The following GRM7 variants were observed in gnomAD, a reference collection of about 807,000 sequenced individuals.
GRM7 encodes metabotropic glutamate receptor 7.
In GRM7, 35 loss-of-function variants were observed where a neutral mutation model predicts 84.5. The observed-to-expected ratio is 0.41, with a 90% CI of 0.32 to 0.55. GRM7 has a LOEUF of 0.55. GRM7 is among the 20% of genes least tolerant of loss of function. The probability of loss-of-function intolerance (pLI) is 0.19; values close to 1 mark genes in which losing one functional copy is unlikely to be tolerated. For synonymous variants in GRM7, 487 were observed against 455.1 expected, an observed-to-expected ratio of 1.07 and a Z score of -0.89; for missense variants, 1,003 against 1,194.6, an observed-to-expected ratio of 0.84 and a Z score of 2.36.
intron 2 of GRM7, among the ~76,000 whole-genome samples, chr3:7,213,266 T>A (rs1045479195): frequency 6.6e-6 from 1 of 152,220 alleles, no homozygotes; most frequent in Non-Finnish European, 1.5e-5. Context: ...ATTTGAACAG[T>A]ATTATCCAAA....
intron 7 of GRM7, among the ~76,000 whole-genome samples, chr3:7,462,432 A>G (rs148499901): frequency 5.6e-4 from 85 of 152,356 alleles, no homozygotes; most frequent in Admixed American, 1.8e-3. Context: ...CACCTAGAAT[A>G]TTCGACCAAC....
intron 1 of GRM7, among the ~76,000 whole-genome samples, chr3:6,993,224 A>C (rs950634787): frequency 2.0e-5 from 3 of 152,214 alleles, no homozygotes; most frequent in Admixed American, 6.5e-5. Flanking sequence ...AACGGCCCTC[A>C]TGATTCAATT....
chr3:7,380,008 A>G (rs1306451599), intron 4 of GRM7, among the ~76,000 whole-genome samples: 1 of 152,086 alleles, frequency 6.6e-6, no homozygotes. Context: ...GGTAACTTGG[A>G]TGTGTTTTTG....
intron 3 of GRM7, among the ~76,000 whole-genome samples, chr3:7,303,441 T>C (rs892537592): frequency 6.6e-6 from 1 of 152,080 alleles, no homozygotes; most frequent in Non-Finnish European, 1.5e-5. Context: ...TTTTAAATTA[T>C]TAATTTTAAA....
intron 2 of GRM7, among the ~76,000 whole-genome samples, chr3:7,270,185 A>G (rs1303511852): frequency 2.6e-5 from 4 of 152,148 alleles, no homozygotes; most frequent in Admixed American, 6.5e-5. Flanking sequence ...GCATGTCGTC[A>G]TTTCTTTCTT....
intron 7 of GRM7, among the ~76,000 whole-genome samples, chr3:7,521,914 C>T (rs1242838691): frequency 6.6e-6 from 1 of 152,150 alleles, no homozygotes; most frequent in Non-Finnish European, 1.5e-5. Context: ...GATGAAGTCC[C>T]TTGAGCCCCA....
At position 7,545,271 on chromosome 3, in the gene GRM7, T is replaced by C. The variant is rs1188781962; in HGVS notation, c.1516-33151T>C. Among the ~76,000 whole-genome samples the C allele has an allele frequency of 5.3e-5, 8 of 152,356 alleles. No homozygotes were observed. The East Asian group carries it at 1.5e-3, about 29-fold the overall frequency. On this transcript the variant is annotated intron_variant, in intron 7 of 9. Coordinates refer to ENST00000357716, the MANE Select transcript of GRM7 (RefSeq NM_000844.4). ...CTAACCTAACTGTCGACACACTGAG[T>C]GCACAGGCCAATGCCTGATACTCTG...
rs1175946928 is a variant in GRM7 at position 7,486,692 on chromosome 3, G to A, written c.1515+24970G>A. Among the ~76,000 whole-genome samples the A allele has an allele frequency of 6.6e-6, 1 of 152,112 alleles. No individual in the cohort carries two copies. Among genetic ancestry groups the A allele is most frequent in the Non-Finnish European group, 1.5e-5 (1 of 68,034 alleles). ...GGCACCATGCTTCTTGGACTTCCCA[G>A]CCACCAGAATGATGAGACAAATAAG... On this transcript the variant is annotated intron_variant, in intron 7 of 9. Coordinates refer to ENST00000357716, the MANE Select transcript of GRM7 (RefSeq NM_000844.4). The surrounding 1 kb of genome is among the most constrained non-coding windows in gnomAD (Gnocchi z 5.5).
At chr3:7,428,159 A>G (rs891983730) in intron 5 of GRM7, among the ~76,000 whole-genome samples, 5 of 152,140 alleles carry the variant, frequency 3.3e-5, no homozygotes, top group African/African-American at 1.2e-4. Flanking sequence ...AAAGGAGCTC[A>G]TTACTCTAGG....
intron 5 of GRM7, among the ~76,000 whole-genome samples, chr3:7,447,842 G>C (rs1433441330): frequency 6.6e-6 from 1 of 151,258 alleles, no homozygotes; most frequent in Non-Finnish European, 1.5e-5. Flanking sequence ...CTGGTGTGCT[G>C]CACCCATTAA....
At chr3:7,447,106 A>C (rs543407023) in intron 5 of GRM7, among the ~76,000 whole-genome samples, 1 of 152,194 alleles carries the variant, frequency 6.6e-6, no homozygotes, top group East Asian at 1.9e-4. Context: ...TAAGCTTTGC[A>C]TACTAGAGAG....
chr3:7,408,041 C>T (rs1461478461), intron 4 of GRM7, among the ~76,000 whole-genome samples: 1 of 152,142 alleles, frequency 6.6e-6, no homozygotes, highest in Non-Finnish European at 1.5e-5. Context: ...TTATCATCGT[C>T]CCCATTTTAT....
At chr3:7,256,462 A>G (rs1256375407) in intron 2 of GRM7, among the ~76,000 whole-genome samples, 1 of 152,230 alleles carries the variant, frequency 6.6e-6, no homozygotes, top group Non-Finnish European at 1.5e-5. Context: ...TCACTTTTGT[A>G]TTAGAAAAAA....
intron 7 of GRM7, among the ~76,000 whole-genome samples, chr3:7,491,607 A>G (rs1345834900): frequency 2.0e-5 from 3 of 152,144 alleles, no homozygotes; most frequent in Non-Finnish European, 4.4e-5. Context: ...CTTAAACTCT[A>G]CATGTCCTTT....
At chr3:7,421,520 C>CTTAG (rs935086684) in intron 5 of GRM7, among the ~76,000 whole-genome samples, 1 of 152,100 alleles carries the variant, frequency 6.6e-6, no homozygotes, top group African/African-American at 2.4e-5. Context: ...AGGCCTGGAC[C>CTTAG]TTAGTTACAA....
intron 2 of GRM7, among the ~76,000 whole-genome samples, chr3:7,228,146 C>T (rs1697042989): frequency 6.6e-6 from 1 of 152,074 alleles, no homozygotes; most frequent in Non-Finnish European, 1.5e-5. Context: ...CACCTTCAGA[C>T]CTGTGGGTAA....
chr3:7,160,418 G>A (rs1471418940), intron 2 of GRM7, among the ~76,000 whole-genome samples: 1 of 152,136 alleles, frequency 6.6e-6, no homozygotes, highest in South Asian at 2.1e-4. Flanking sequence ...CCCCAGTTTC[G>A]TCCTTGTTTT....
chr3:7,132,726 A>G (rs1378972847), intron 1 of GRM7, among the ~76,000 whole-genome samples: 1 of 152,206 alleles, frequency 6.6e-6, no homozygotes, highest in Non-Finnish European at 1.5e-5. Flanking sequence ...AAACATCTAC[A>G]TCTGTGGTCT....
chr3:6,894,219 A>G (rs899496930), intron 1 of GRM7, among the ~76,000 whole-genome samples: 5 of 152,206 alleles, frequency 3.3e-5, no homozygotes, highest in Non-Finnish European at 5.9e-5. Flanking sequence ...CATTGAGATT[A>G]AAATCTGTAG....
Sources: gnomAD v4.1 joint callset for allele counts (sites outside exome capture counted in the v4.1 genomes callset) on GRCh38, gnomAD v4.1.1 for gene constraint, Gnocchi (gnomAD v3.1) non-coding constraint, MANE v1.5 for transcripts, NCBI Gene and HGNC (gene_info 2026-07-23, HGNC 2026-07-21) for gene names.